The following COIL variants were observed in gnomAD, a reference collection of about 807,000 sequenced individuals.
COIL encodes coilin.
A neutral mutation model predicts 51.6 loss-of-function variants in COIL; 28 were observed. That is an observed-to-expected ratio of 0.54 (90% CI 0.40 to 0.74). COIL has a LOEUF of 0.74. Ranked by LOEUF, COIL falls within the 30% of genes least tolerant of loss-of-function variation. COIL has a pLI of 0.00. For synonymous variants in COIL, 233 were observed against 255.8 expected, an observed-to-expected ratio of 0.91 and a Z score of 0.85; for missense variants, 667 against 685.9, an observed-to-expected ratio of 0.97 and a Z score of 0.31.
chr17:56,943,306 T>C (rs1360832462), intron 5 of COIL, among the ~76,000 whole-genome samples: 1 of 152,260 alleles, frequency 6.6e-6, no homozygotes, highest in African/African-American at 2.4e-5. Context: ...TGGTGTCACT[T>C]TGGGGACATT....
chr17:56,952,903 C>T (rs779756698), intron 1 of COIL, among the ~76,000 whole-genome samples: 31 of 152,240 alleles, frequency 2.0e-4, no homozygotes, highest in Non-Finnish European at 3.7e-4. Flanking sequence ...CAACAGGCAA[C>T]AGCTAATCCT....
At chr17:56,951,139 T>G in intron 1 of COIL, 143 bp from the exon 2 acceptor site, 3 of 818,516 alleles carry the variant, frequency 3.7e-6, no homozygotes, top group Non-Finnish European at 5.4e-6. Flanking sequence ...GACAAAAGAC[T>G]CTTTCTGGCA....
chr17:56,954,116 G>C (rs1349620100), intron 1 of COIL, among the ~76,000 whole-genome samples: 5 of 152,110 alleles, frequency 3.3e-5, no homozygotes, highest in Non-Finnish European at 5.9e-5. Flanking sequence ...GAAAATGGTT[G>C]CAAGTCTCTG....
In COIL at chr17:56,949,871, A is replaced by T; in HGVS notation, c.1353+18T>A. On this transcript the variant is annotated intron_variant, in intron 2 of 6. Coordinates refer to ENST00000240316, the MANE Select transcript of COIL (RefSeq NM_004645.3). ...TAAGGGGAAAGGGAGGAGATAACTT[A>T]CAAAAAATAATACTTACCTGGATAA... 1 of 1,610,836 alleles carries T rather than the reference A, an allele frequency of 6.2e-7. No homozygotes were observed. Among genetic ancestry groups the T allele is most frequent in the Non-Finnish European group, 8.5e-7 (1 of 1,177,912 alleles).
At chr17:56,957,463 T>G (rs1328931400) in intron 1 of COIL, among the ~76,000 whole-genome samples, 1 of 151,148 alleles carries the variant, frequency 6.6e-6, no homozygotes, top group Non-Finnish European at 1.5e-5. Context: ...CTACTAAAAA[T>G]ACAAAAAAAT....
At chr17:56,943,555 G>C (rs539940797) in intron 5 of COIL, among the ~76,000 whole-genome samples, 2 of 152,086 alleles carry the variant, frequency 1.3e-5, no homozygotes, top group South Asian at 4.1e-4. Flanking sequence ...TGAGAGACAA[G>C]GAGGCACCAC....
intron 1 of COIL, among the ~76,000 whole-genome samples, chr17:56,955,108 A>C (rs1482979902): frequency 2.0e-5 from 3 of 152,200 alleles, no homozygotes; most frequent in Non-Finnish European, 4.4e-5. Flanking sequence ...TCTGTCGCCC[A>C]GGCTGGACTG....
intron 4 of COIL, among the ~76,000 whole-genome samples, chr17:56,947,406 A>C (rs1214338554): frequency 2.0e-5 from 3 of 152,216 alleles, no homozygotes; most frequent in Admixed American, 6.5e-5. Context: ...AAAATCTTCA[A>C]AAAATTTTGC....
chr17:56,956,062 G>A lies in COIL; in HGVS notation c.245+4713C>T, dbSNP rs200046419. ...TAGTTTAAAAGTATAAGTACATATG[G>A]TTGCACATGTATAGAAATCTGGCTC... On this transcript the variant is annotated intron_variant, in intron 1 of 6. Transcript: ENST00000240316. Among the ~76,000 whole-genome samples the A allele has an allele frequency of 2.0e-5, 3 of 152,176 alleles. No individual in the cohort carries two copies. The East Asian group carries it at 5.8e-4, about 29-fold the overall frequency.
At chr17:56,956,729 C>T (rs1407504954) in intron 1 of COIL, among the ~76,000 whole-genome samples, 2 of 152,134 alleles carry the variant, frequency 1.3e-5, no homozygotes, top group African/African-American at 4.8e-5. Context: ...GCAGCTGGGA[C>T]TACAGGCATG....
At chr17:56,943,633 T>C (rs1910188384) in intron 5 of COIL, among the ~76,000 whole-genome samples, 1 of 152,246 alleles carries the variant, frequency 6.6e-6, no homozygotes, top group Non-Finnish European at 1.5e-5. Context: ...TGACGGACTC[T>C]GAAAGTACTG....
Position 56,950,511 on chromosome 17 carries a change from G to T in COIL, c.731C>A (p.Pro244His). 1 of 1,614,152 alleles carries T rather than the reference G, an allele frequency of 6.2e-7. No individual in the cohort carries two copies. Among genetic ancestry groups the T allele is most frequent in the Non-Finnish European group, 8.5e-7 (1 of 1,180,028 alleles). ...GSVSVCSKES[P>H]SSSSESESCD... is the part of the protein sequence containing the mutation. ...AGATTCAGACTCCGAGGAGGAACTG[G>T]GACTCTCTTTTGAGCAAACGCTTAC... The change falls in exon 2 of 7, where the codon CCC becomes CAC. Residue 244 changes from proline (P) to histidine (H), a missense_variant. Coordinates refer to ENST00000240316, the MANE Select transcript of COIL (RefSeq NM_004645.3).
At chr17:56,959,327 G>GA (rs1910539312) in intron 1 of COIL, among the ~76,000 whole-genome samples, 1 of 151,840 alleles carries the variant, frequency 6.6e-6, no homozygotes, top group African/African-American at 2.4e-5. Flanking sequence ...CTGGGCATGG[G>GA]AAACCCAGTC....
rs1910323794 is a variant in COIL, at chr17:56,949,927, ATTGCTG to A, written c.1309_1314del (p.Gln437_Gln438del). On this transcript the variant is annotated inframe_deletion, in exon 2 of 7. Transcript: ENST00000240316. ...GATGAATTTTTTACCACGTCATTTA[ATTGCTG>A]TTGCCTCTGGTTGTCAGTGCTTCTA... The A allele has an allele frequency of 3.1e-6, 5 of 1,613,722 alleles. No individual in the cohort carries two copies. The highest frequency in any genetic ancestry group is 4.2e-6 in the Non-Finnish European group (5 of 1,179,936).
Position 56,949,725 on chromosome 17 carries a change from G to A in COIL, c.1396C>T (p.Leu466=). 1 of 1,614,172 alleles carries A rather than the reference G, an allele frequency of 6.2e-7. No homozygotes were observed. The highest frequency in any genetic ancestry group is 8.5e-7 in the Non-Finnish European group (1 of 1,179,996). The change falls in exon 3 of 7, where the codon CTG becomes TTG. Residue 466 remains leucine, a synonymous_variant. Coordinates refer to ENST00000240316, the MANE Select transcript of COIL (RefSeq NM_004645.3). ...TPKKDYSLLP[L]LAAAPQVGEK... is the part of the protein sequence containing the mutation. The stretch of plus-strand genomic sequence containing the variant: ...CCAACTTGAGGGGCAGCTGCTAACA[G>A]TGGTAACAGACTATAGTCCTTCTTG...
intron 5 of COIL, 34 bp downstream of exon 5, chr17:56,946,408 C>A: frequency 2.1e-6 from 3 of 1,401,962 alleles, no homozygotes; most frequent in Non-Finnish European, 3.0e-6. Flanking sequence ...GTAGATAGAG[C>A]CTACATTTTC....
chr17:56,958,441 C>T (rs1409906014), intron 1 of COIL, among the ~76,000 whole-genome samples: 3 of 152,240 alleles, frequency 2.0e-5, no homozygotes, highest in Non-Finnish European at 4.4e-5. Flanking sequence ...CCAGATTCAT[C>T]TTTTTCTACG....
rs776237094 is a variant in COIL at position 56,949,892 on chromosome 17, G to C, written c.1350C>G (p.Ile450Met). The C allele has an allele frequency of 1.2e-6, 2 of 1,613,592 alleles. No homozygotes were observed. Among genetic ancestry groups the C allele is most frequent in the Non-Finnish European group, 1.7e-6 (2 of 1,179,772 alleles). ...NDVVKNSSTIIQNPVETPKKD... is the reference protein window; with the variant it reads ...NDVVKNSSTIMQNPVETPKKD... ...ACTTACAAAAAATAATACTTACCTG[G>C]ATAATAGTAGATGAATTTTTTACCA... The change falls in exon 2 of 7, where the codon ATC becomes ATG. Residue 450 changes from isoleucine to methionine, a missense_variant. By Grantham distance (10) the Ile-to-Met change is conservative (BLOSUM62 1). Transcript: ENST00000240316.
intron 1 of COIL, among the ~76,000 whole-genome samples, chr17:56,952,917 A>G (rs1025535400): frequency 2.0e-5 from 3 of 152,170 alleles, no homozygotes; most frequent in African/African-American, 7.2e-5. Flanking sequence ...TAATCCTAGT[A>G]TGTGCAGTCT....
Sources: gnomAD v4.1 joint callset for allele counts (sites outside exome capture counted in the v4.1 genomes callset) on GRCh38, gnomAD v4.1.1 for gene constraint, MANE v1.5 for transcripts, NCBI Gene and HGNC (gene_info 2026-07-23, HGNC 2026-07-21) for gene names.